Variants in KLRD1 observed in about 807,000 individuals in gnomAD.
The protein encoded by KLRD1 is natural killer cells antigen CD94.
KLRD1 carries 21 observed loss-of-function variants against 22.6 expected under a neutral mutation model. The ratio of observed to expected loss-of-function variants is 0.93; its 90% CI spans 0.66 to 1.34. The LOEUF (loss-of-function observed/expected upper bound fraction) is 1.34. Among genes scored for constraint, KLRD1 ranks in the 40% most tolerant of loss-of-function variants. The pLI, the probability that KLRD1 is intolerant of heterozygous loss-of-function variation, is 0.00. For missense variants in KLRD1, 183 were observed against 208.6 expected (o/e 0.88, Z 0.76); for synonymous variants, 59 against 71.1 (o/e 0.83, Z 0.85).
At position 10,293,217 on chromosome 12, in the gene KLRD1, T is replaced by C. The variant is rs1227557184; in HGVS notation, c.-100-14761T>C. 2.4e-5 allele frequency among the ~76,000 whole-genome samples: 3 copies of C among 124,774 alleles called. No homozygotes were observed. In the East Asian group the frequency reaches 8.1e-4, roughly 34 times the overall value. 81.9% of individuals were successfully genotyped at this position (124,774 alleles called of 152,430 possible). The stretch of plus-strand genomic sequence containing the variant: ...CTCACTGGCATAGCAATTTTGATTT[T>C]CTTCAAGTACTCTTTCTTTGCATTC... On this transcript the variant is annotated intron_variant, in intron 1 of 5. Transcript: ENST00000544747.
intron 1 of KLRD1, among the ~76,000 whole-genome samples, chr12:10,239,529 T>TTCTCTC (rs555006925): frequency 7.6e-5 from 5 of 65,774 alleles, no homozygotes; most frequent in African/African-American, 3.0e-4. Flanking sequence ...CTTTCTTTCT[T>TTCTCTC]TCTTTCTTTC....
chr12:10,321,445 G>A lies in KLRD1; in HGVS notation c.*6652G>A, dbSNP rs1023557172. 2 of 152,026 alleles carry A rather than the reference G, an allele frequency of 1.3e-5. No homozygotes were observed. Among genetic ancestry groups the A allele is most frequent in the Non-Finnish European group, 2.9e-5 (2 of 68,024 alleles). The allele number at this position is 152,026 out of a possible 1,614,324, so 9.4% of individuals were successfully genotyped here. ...TTGGTGTGGATTTTGTATGTGGGAG[G>A]GACATAAATCATTTGGGGCCAAAGA... On this transcript the variant is annotated 3_prime_UTR_variant, in exon 6 of 6. Coordinates refer to ENST00000336164, the MANE Select transcript of KLRD1 (RefSeq NM_002262.5).
At chr12:10,293,257 T>TA (rs1949793879) in intron 1 of KLRD1, among the ~76,000 whole-genome samples, 1 of 149,856 alleles carries the variant, frequency 6.7e-6, no homozygotes, top group Non-Finnish European at 1.5e-5. Context: ...TTTGGCTAAA[T>TA]GTTTGACTCA....
intron 1 of KLRD1, among the ~76,000 whole-genome samples, chr12:10,295,932 T>C (rs2537786): frequency 0.98 from 148,892 of 152,288 alleles, 72,872 homozygotes; most frequent in East Asian, 1. Context: ...AGTGAGATTT[T>C]AGTCTTATCA....
intron 1 of KLRD1, among the ~76,000 whole-genome samples, chr12:10,253,048 TA>T (rs1949359824): frequency 1.3e-5 from 2 of 152,286 alleles, no homozygotes; most frequent in African/African-American, 2.4e-5. Flanking sequence ...ATGCTTTTAA[TA>T]TTTTTTTATC....
At chr12:10,240,631 G>A (rs1949232685) in intron 1 of KLRD1, among the ~76,000 whole-genome samples, 2 of 151,672 alleles carry the variant, frequency 1.3e-5, no homozygotes, top group Admixed American at 1.3e-4. Context: ...CAAGGTGAGT[G>A]TGTATCTCCC....
chr12:10,241,278 G>A (rs551312855), intron 1 of KLRD1, among the ~76,000 whole-genome samples: 13 of 152,266 alleles, frequency 8.5e-5, no homozygotes, highest in Non-Finnish European at 1.5e-4. Flanking sequence ...GTTACGGTTT[G>A]TATAAGAGTT....
rs1021889412 is a variant in KLRD1 at position 10,322,762 on chromosome 12, C to T, written c.*7969C>T. On this transcript the variant is annotated 3_prime_UTR_variant, in exon 6 of 6. Transcript: ENST00000336164. ...CATTTAAGCTATGTCTACACTTACA[C>T]GATTACTACCAGATTGCAATAGAGA... 8 of 152,144 alleles carry T rather than the reference C, an allele frequency of 5.3e-5. No individual in the cohort carries two copies. The highest frequency in any genetic ancestry group is 1.2e-4 in the Non-Finnish European group (8 of 68,018). 9.4% of individuals were successfully genotyped at this position (152,144 alleles called of 1,614,324 possible).
At chr12:10,266,027 AT>A (rs1426176605) in intron 1 of KLRD1, among the ~76,000 whole-genome samples, 2 of 152,160 alleles carry the variant, frequency 1.3e-5, no homozygotes, top group African/African-American at 4.8e-5. Context: ...GTGTATATAT[AT>A]TTTTTGACCG....
chr12:10,269,015 G>A (rs1334865842), intron 1 of KLRD1, among the ~76,000 whole-genome samples: 4 of 151,964 alleles, frequency 2.6e-5, no homozygotes, highest in African/African-American at 9.7e-5. Flanking sequence ...ATATTTTCCT[G>A]TATGTAGAAA....
At chr12:10,261,801 A>G (rs1014295893) in intron 1 of KLRD1, among the ~76,000 whole-genome samples, 1 of 152,148 alleles carries the variant, frequency 6.6e-6, no homozygotes, top group Non-Finnish European at 1.5e-5. Context: ...TAATACAACA[A>G]TGGCAGTGGT....
chr12:10,321,166 G>T lies in KLRD1; in HGVS notation c.*6373G>T, dbSNP rs542070934. ...GCTATGCTAGATTTTAAATTATTATGCATCAGTGACTCCTTTGTAATTCTC... is the reference window on the plus strand; with the variant it reads ...GCTATGCTAGATTTTAAATTATTATTCATCAGTGACTCCTTTGTAATTCTC... On this transcript the variant is annotated 3_prime_UTR_variant, in exon 6 of 6. Transcript: ENST00000336164. The T allele has an allele frequency of 2.6e-5, 4 of 152,156 alleles. No homozygotes were observed. The South Asian group carries it at 8.3e-4, about 31-fold the overall frequency. 9.4% of individuals were successfully genotyped at this position (152,156 alleles called of 1,614,324 possible).
At chr12:10,303,642 T>G (rs1284623044), upstream of KLRD1, among the ~76,000 whole-genome samples, 1 of 152,218 alleles carries the variant, frequency 6.6e-6, no homozygotes, top group Non-Finnish European at 1.5e-5. Context: ...GCTTGAAATA[T>G]GCCAACAAAG....
At chr12:10,263,485 T>C (rs1021058022) in intron 1 of KLRD1, among the ~76,000 whole-genome samples, 1 of 152,058 alleles carries the variant, frequency 6.6e-6, no homozygotes, top group African/African-American at 2.4e-5. Flanking sequence ...AAAATAAGAA[T>C]GAATATCCCT....
At chr12:10,312,677 C>T (rs904203369) in intron 4 of KLRD1, among the ~76,000 whole-genome samples, 17 of 151,294 alleles carry the variant, frequency 1.1e-4, no homozygotes, top group Admixed American at 2.6e-4. Context: ...CGTGCCCGGC[C>T]CCTAATTACC....
chr12:10,251,846 C>T (rs1362025577), intron 1 of KLRD1, among the ~76,000 whole-genome samples: 2 of 152,104 alleles, frequency 1.3e-5, no homozygotes, highest in Non-Finnish European at 2.9e-5. Flanking sequence ...TGACAGGAAG[C>T]AGAGCTCTGG....
intron 1 of KLRD1, among the ~76,000 whole-genome samples, chr12:10,264,351 A>T (rs1185821095): frequency 6.6e-6 from 1 of 152,124 alleles, no homozygotes; most frequent in Non-Finnish European, 1.5e-5. Context: ...GTTTATCAGG[A>T]TATTTTACCA....
At chr12:10,271,036 G>C (rs1380560536) in intron 1 of KLRD1, among the ~76,000 whole-genome samples, 2 of 151,622 alleles carry the variant, frequency 1.3e-5, no homozygotes, top group African/African-American at 4.8e-5. Context: ...CGCCTGCCTT[G>C]GTCTCCCAAA....
At chr12:10,305,298 T>C (rs1372632829), upstream of KLRD1, among the ~76,000 whole-genome samples, 4 of 152,186 alleles carry the variant, frequency 2.6e-5, no homozygotes, top group Admixed American at 2.0e-4. Context: ...TACCTAACTT[T>C]TCAAAAGCAA....
Sources: allele counts gnomAD v4.1 joint callset (sites outside exome capture counted in the v4.1 genomes callset), GRCh38; gene constraint gnomAD v4.1.1; transcripts MANE v1.5; gene names NCBI Gene and HGNC (gene_info 2026-07-23, HGNC 2026-07-21).